Variants in ZYG11B observed in about 807,000 individuals in gnomAD.
The protein encoded by ZYG11B is zyg-11 family member B, cell cycle regulator.
In ZYG11B, 36 loss-of-function variants were observed where a neutral mutation model predicts 82.4. The ratio of observed to expected loss-of-function variants is 0.44; its 90% CI spans 0.33 to 0.58. The LOEUF is 0.58. Ranked by LOEUF, ZYG11B falls within the 20% of genes least tolerant of loss-of-function variation. The pLI, the probability that ZYG11B is intolerant of heterozygous loss-of-function variation, is 0.02. For missense variants in ZYG11B, 552 were observed against 895.6 expected, an observed-to-expected ratio of 0.62 and a Z score of 4.90; for synonymous variants, 303 against 312.8, an observed-to-expected ratio of 0.97 and a Z score of 0.33.
rs187158786 is a variant in ZYG11B at position 52,767,352 on chromosome 1, C to T, written c.197-3668C>T. Among the ~76,000 whole-genome samples, 718 of 148,190 alleles carry T rather than the reference C, an allele frequency of 4.8e-3. 7 individuals carry two copies. The highest frequency in any genetic ancestry group is 0.017 in the African/African-American group (687 of 40,226). On this transcript the variant is annotated intron_variant, in intron 2 of 13. Transcript: ENST00000294353. ...GGAGTTTCGCTCTTGTTGCCCAAGCCGGAGTGCAATGGTGCGATCTCAACT... is the reference window on the plus strand; with the variant it reads ...GGAGTTTCGCTCTTGTTGCCCAAGCTGGAGTGCAATGGTGCGATCTCAACT...
chr1:52,785,109 C>T lies in ZYG11B; in HGVS notation c.1269+56C>T, dbSNP rs1644902341. The T allele has an allele frequency of 1.9e-6, 3 of 1,550,614 alleles. No individual in the cohort carries two copies. In the Admixed American group the frequency reaches 6.0e-5, roughly 31 times the overall value. ...TCCTTGTAGTGTCTTCTACTCATCT[C>T]CTACAGTTCAGTTTAATAGACCAAG... On this transcript the variant is annotated intron_variant, in intron 5 of 13. Coordinates refer to ENST00000294353, the MANE Select transcript of ZYG11B (RefSeq NM_024646.3).
At chr1:52,727,918 G>A (rs1644298567) in intron 1 of ZYG11B, among the ~76,000 whole-genome samples, 1 of 152,136 alleles carries the variant, frequency 6.6e-6, no homozygotes, top group South Asian at 2.1e-4. Flanking sequence ...GTTCCCCTAG[G>A]AGGTTAGTCA....
At chr1:52,731,296 AAAG>A (rs1338706969) in intron 1 of ZYG11B, among the ~76,000 whole-genome samples, 4 of 151,866 alleles carry the variant, frequency 2.6e-5, no homozygotes, top group Non-Finnish European at 5.9e-5. Flanking sequence ...AAAAAAAAAA[AAAG>A]AGTCCAGACA....
intron 13 of ZYG11B, among the ~76,000 whole-genome samples, chr1:52,820,616 C>T (rs1170345460): frequency 1.3e-5 from 2 of 150,168 alleles, no homozygotes; most frequent in African/African-American, 4.9e-5. Flanking sequence ...CCATTGGACT[C>T]CAGCCTGGGC....
At chr1:52,779,427 G>T (rs1377890499) in intron 3 of ZYG11B, among the ~76,000 whole-genome samples, 3 of 152,168 alleles carry the variant, frequency 2.0e-5, no homozygotes, top group South Asian at 4.1e-4. Flanking sequence ...AGATTGGAAA[G>T]TATAGTCATT....
chr1:52,745,262 C>A (rs1644466359), intron 1 of ZYG11B, among the ~76,000 whole-genome samples: 1 of 152,102 alleles, frequency 6.6e-6, no homozygotes, highest in Non-Finnish European at 1.5e-5. Context: ...AAGGCAGGAG[C>A]ATTTAGGAAG....
At chr1:52,751,628 G>T (rs1012764870) in intron 1 of ZYG11B, among the ~76,000 whole-genome samples, 2 of 151,898 alleles carry the variant, frequency 1.3e-5, no homozygotes, top group Non-Finnish European at 2.9e-5. Context: ...GCAAGACTCC[G>T]TCTCAAAAAC....
chr1:52,738,680 C>T (rs7552663), intron 1 of ZYG11B, among the ~76,000 whole-genome samples: 75,753 of 150,096 alleles, frequency 0.5, 19,297 homozygotes, highest in East Asian at 0.62. Context: ...CTTGGCTCAC[C>T]GCAACCACTG....
In ZYG11B at chr1:52,816,573, C is replaced by T; in HGVS notation, c.1988C>T (p.Thr663Ile). 1 of 1,613,336 alleles carries T rather than the reference C, an allele frequency of 6.2e-7. No individual in the cohort carries two copies. Among genetic ancestry groups the T allele is most frequent in the Non-Finnish European group, 8.5e-7 (1 of 1,179,868 alleles). Residue 663 changes from threonine to isoleucine, a missense_variant, in exon 13 of 14, where the codon ACA becomes ATA. Transcript: ENST00000294353. Reference protein sequence around the residue: ...PFFPLLGCFTTPGVQLWAVWA... With the variant: ...PFFPLLGCFTIPGVQLWAVWA... Reference sequence around the variant, plus strand: ...TTCCCATTACTTGGCTGTTTCACAACACCAGGAGTTCAGCTATGGGCAGTT... The same window carrying T: ...TTCCCATTACTTGGCTGTTTCACAATACCAGGAGTTCAGCTATGGGCAGTT...
intron 1 of ZYG11B, among the ~76,000 whole-genome samples, chr1:52,741,271 C>T (rs557748953): frequency 8.4e-6 from 1 of 118,416 alleles, no homozygotes; most frequent in East Asian, 2.9e-4. Flanking sequence ...GCACTCCAGC[C>T]TGGGGCAAAA....
At chr1:52,744,165 A>T (rs186048423) in intron 1 of ZYG11B, among the ~76,000 whole-genome samples, 1 of 152,000 alleles carries the variant, frequency 6.6e-6, no homozygotes, top group African/African-American at 2.4e-5. Context: ...TCAAACTCCT[A>T]ACCTTAAGTG....
intron 1 of ZYG11B, among the ~76,000 whole-genome samples, chr1:52,734,283 GC>G (rs919820109): frequency 1.6e-4 from 24 of 151,990 alleles, no homozygotes; most frequent in Admixed American, 4.6e-4. Context: ...CAAGCCATGA[GC>G]CCGGCAGACA....
chr1:52,797,178 AT>A (rs1191357333), intron 8 of ZYG11B, among the ~76,000 whole-genome samples: 2 of 79,148 alleles, frequency 2.5e-5, no homozygotes, highest in African/African-American at 5.9e-5. Context: ...TATTATATAT[AT>A]TTATATATTA....
At chr1:52,733,638 G>A (rs1393417536) in intron 1 of ZYG11B, among the ~76,000 whole-genome samples, 1 of 152,134 alleles carries the variant, frequency 6.6e-6, no homozygotes, top group Non-Finnish European at 1.5e-5. Flanking sequence ...TCCAGGCTGG[G>A]CAACAGAGCA....
rs1284202549 is a variant in ZYG11B at position 52,796,999 on chromosome 1, ATATAT to A, written c.1485+221_1485+225del. ...ATAAATATATATATTTTTTATATAA[ATATAT>A]TATATATTTATATATTATATATAAA... On this transcript the variant is annotated intron_variant, in intron 8 of 13. Coordinates refer to ENST00000294353, the MANE Select transcript of ZYG11B (RefSeq NM_024646.3). Among the ~76,000 whole-genome samples the A allele has an allele frequency of 8.7e-3, 511 of 58,844 alleles. 4 individuals are homozygous for A. The highest frequency in any genetic ancestry group is 1.0e-2 in the African/African-American group (170 of 17,068). The allele number at this position is 58,844 out of a possible 152,430, so 38.6% of individuals were successfully genotyped here. A position where few individuals can be genotyped will look rare whatever the true frequency, so the allele number is the denominator to read the frequency against.
At chr1:52,726,893 G>C (rs1343353596) in intron 1 of ZYG11B, among the ~76,000 whole-genome samples, 1 of 151,768 alleles carries the variant, frequency 6.6e-6, no homozygotes, top group Non-Finnish European at 1.5e-5. Flanking sequence ...GACACCCCCT[G>C]AATCTCCCTT....
rs780416191 is a variant in ZYG11B at position 52,813,619 on chromosome 1, T to C, written c.1779T>C (p.Ser593=). 2.5e-6 allele frequency: 4 copies of C among 1,614,012 alleles called. No homozygotes were observed. The highest frequency in any genetic ancestry group is 2.2e-5 in the South Asian group (2 of 91,084). ...ACCACATCAGTAGTCTCCTACACAG[T>C]GTGGAAGTGGAAGTCAGTTACTTTG... ...FIDHISSLLH[S]VEVEVSYFAA... The change falls in exon 11 of 14, where the codon AGT becomes AGC. Residue 593 remains serine (S), a synonymous_variant. Transcript: ENST00000294353.
At chr1:52,820,014 C>T (rs569531510) in intron 13 of ZYG11B, among the ~76,000 whole-genome samples, 26 of 151,182 alleles carry the variant, frequency 1.7e-4, no homozygotes, top group African/African-American at 3.9e-4. Context: ...TCCCACTTCA[C>T]GCCATTCTCC....
rs563676426 is a variant in ZYG11B, at chr1:52,731,701, T to C, written c.30+5018T>C. Among the ~76,000 whole-genome samples the C allele has an allele frequency of 3.9e-5, 6 of 152,282 alleles. No homozygotes were observed. The East Asian group carries it at 7.7e-4, about 20-fold the overall frequency. ...ATGACAATAGTTATATAATAAATAC[T>C]AAGAAAAAATAAACCAGGCTAAGAT... On this transcript the variant is annotated intron_variant, in intron 1 of 13. Transcript: ENST00000294353.
Sources: gnomAD v4.1 joint callset for allele counts (sites outside exome capture counted in the v4.1 genomes callset) on GRCh38, gnomAD v4.1.1 for gene constraint, MANE v1.5 for transcripts, NCBI Gene and HGNC (gene_info 2026-07-23, HGNC 2026-07-21) for gene names.